Variants in KLHL2 observed in about 807,000 individuals in gnomAD.
KLHL2 encodes kelch-like protein 2.
Under a neutral mutation model 75.8 loss-of-function variants are expected in KLHL2, and 15 were observed. That is an observed-to-expected ratio of 0.20 (90% CI 0.13 to 0.30). KLHL2 has a LOEUF of 0.30. Ranked by LOEUF, KLHL2 falls within the 10% of genes least tolerant of loss-of-function variation. The pLI, the probability that KLHL2 is intolerant of heterozygous loss-of-function variation, is 1.00. For missense variants in KLHL2, 381 were observed against 741.0 expected, an observed-to-expected ratio of 0.51 and a Z score of 5.64; for synonymous variants, 214 against 251.9, an observed-to-expected ratio of 0.85 and a Z score of 1.42.
chr4:165,298,945 C>A (rs934357292), intron 7 of KLHL2, among the ~76,000 whole-genome samples: 17 of 135,186 alleles, frequency 1.3e-4, no homozygotes, highest in Admixed American at 1.3e-3. Context: ...CCCCGCCCCC[C>A]CTCCCCCCCC....
At chr4:165,209,087 G>T (rs1268545318) in intron 1 of KLHL2, among the ~76,000 whole-genome samples, 3 of 152,194 alleles carry the variant, frequency 2.0e-5, no homozygotes, top group Non-Finnish European at 4.4e-5. Context: ...AATCTAGGGG[G>T]TAGATAAGAC....
intron 3 of KLHL2, among the ~76,000 whole-genome samples, chr4:165,232,585 TTGAC>T (rs1461726518): frequency 6.6e-6 from 1 of 151,674 alleles, no homozygotes. Flanking sequence ...TTTAAAAAAA[TTGAC>T]TGAGCATGGT....
intron 3 of KLHL2, among the ~76,000 whole-genome samples, chr4:165,233,488 G>T (rs1739079915): frequency 6.6e-6 from 1 of 151,766 alleles, no homozygotes. Flanking sequence ...TTGTCATATT[G>T]AACATGATTC....
intron 13 of KLHL2, among the ~76,000 whole-genome samples, chr4:165,315,918 G>A (rs1746556928): frequency 6.6e-6 from 1 of 152,200 alleles, no homozygotes; most frequent in African/African-American, 2.4e-5. Flanking sequence ...ATGACACCAA[G>A]AGTGGAGTAA....
chr4:165,212,813 C>T (rs28463588), intron 1 of KLHL2, among the ~76,000 whole-genome samples: 49,086 of 152,060 alleles, frequency 0.32, 9,244 homozygotes, highest in African/African-American at 0.53. Context: ...TCTATCACTG[C>T]TTGTGGGCAG....
chr4:165,215,207 G>A (rs1737460056), intron 1 of KLHL2, among the ~76,000 whole-genome samples: 2 of 152,232 alleles, frequency 1.3e-5, no homozygotes, highest in African/African-American at 4.8e-5. Flanking sequence ...AGACCCAAAC[G>A]TGTTTCCAAC....
rs371758292 is a variant in KLHL2 at position 165,218,728 on chromosome 4, A to G, written c.27-1206A>G. ...TGGTACATGGTTGGTACTAAAAACA[A>G]TTGCTGAATGAATTAATGAACGATA... On this transcript the variant is annotated intron_variant, in intron 1 of 14. Transcript: ENST00000226725. 1.6e-3 allele frequency among the ~76,000 whole-genome samples: 241 copies of G among 152,332 alleles called. 3 individuals carry two copies. The highest frequency in any genetic ancestry group is 0.012 in the South Asian group (56 of 4,820).
At chr4:165,269,925 G>A (rs1416744064) in intron 5 of KLHL2, among the ~76,000 whole-genome samples, 3 of 152,046 alleles carry the variant, frequency 2.0e-5, no homozygotes, top group African/African-American at 7.2e-5. Flanking sequence ...TTCTAACTTG[G>A]TTCCATTCTC....
chr4:165,320,922 C>T (rs901158491), intron 14 of KLHL2, among the ~76,000 whole-genome samples: 5 of 152,110 alleles, frequency 3.3e-5, no homozygotes, highest in African/African-American at 4.8e-5. Flanking sequence ...CATGACTCGA[C>T]GGAGATGAGT....
At chr4:165,298,657 GGGTGGGTGCGGTCAGTGGCT>G (rs767749975) in intron 7 of KLHL2, among the ~76,000 whole-genome samples, 89 of 152,226 alleles carry the variant, frequency 5.8e-4, no homozygotes, top group Non-Finnish European at 5.1e-4. Context: ...TGATCCAAAA[GGGTGGGTGCGGTCAGTGGCT>G]CACGTCTATA....
At chr4:165,214,041 T>C (rs1288169240) in intron 1 of KLHL2, among the ~76,000 whole-genome samples, 1 of 152,198 alleles carries the variant, frequency 6.6e-6, no homozygotes, top group African/African-American at 2.4e-5. Flanking sequence ...CCAGAGAGGC[T>C]AAGTGACTAA....
intron 5 of KLHL2, among the ~76,000 whole-genome samples, chr4:165,289,688 A>G (rs926645782): frequency 6.6e-6 from 1 of 152,134 alleles, no homozygotes; most frequent in Non-Finnish European, 1.5e-5. Flanking sequence ...TTTTGGATAG[A>G]GTTTACTAAT....
chr4:165,220,873 G>A lies in KLHL2; in HGVS notation c.152+814G>A, dbSNP rs1364527069. On this transcript the variant is annotated intron_variant, in intron 2 of 14. Transcript: ENST00000226725. Reference sequence around the variant, plus strand: ...GTATTAAAAGTTGATTGAAAAATGAGTAGCTTTTTTTTTAATTAAAAGGGT... The same window carrying A: ...GTATTAAAAGTTGATTGAAAAATGAATAGCTTTTTTTTTAATTAAAAGGGT... Among the ~76,000 whole-genome samples, 3 of 152,246 alleles carry A rather than the reference G, an allele frequency of 2.0e-5. No homozygotes were observed. In the East Asian group the frequency reaches 5.8e-4, roughly 29 times the overall value.
At chr4:165,222,746 T>C (rs1285859172) in intron 2 of KLHL2, among the ~76,000 whole-genome samples, 1 of 152,242 alleles carries the variant, frequency 6.6e-6, no homozygotes, top group East Asian at 1.9e-4. Flanking sequence ...AATTATTTCC[T>C]GTCCTTGCGT....
At chr4:165,298,904 C>T (rs910715288) in intron 7 of KLHL2, among the ~76,000 whole-genome samples, 4 of 151,484 alleles carry the variant, frequency 2.6e-5, no homozygotes, top group Admixed American at 6.6e-5. Flanking sequence ...AACTCCAGCC[C>T]GGGCAACAGA....
At chr4:165,289,475 TCTTCA>T (rs1744336542) in intron 5 of KLHL2, among the ~76,000 whole-genome samples, 1 of 151,682 alleles carries the variant, frequency 6.6e-6, no homozygotes, top group Non-Finnish European at 1.5e-5. Flanking sequence ...GAACATTTCT[TCTTCA>T]CTTTTCCTTT....
chr4:165,297,269 C>A (rs973068351), intron 6 of KLHL2, among the ~76,000 whole-genome samples: 1 of 152,030 alleles, frequency 6.6e-6, no homozygotes, highest in Non-Finnish European at 1.5e-5. Context: ...CTGAGTCGAT[C>A]TATTGTACAA....
chr4:165,237,386 C>T (rs1198590899), intron 3 of KLHL2, among the ~76,000 whole-genome samples: 1 of 149,274 alleles, frequency 6.7e-6, no homozygotes, highest in Non-Finnish European at 1.5e-5. Context: ...CTCATTAACT[C>T]TCCTACTTCC....
intron 4 of KLHL2, 73 bp downstream of exon 4, chr4:165,238,972 C>T (rs1251018724): frequency 1.2e-5 from 18 of 1,531,232 alleles, no homozygotes; most frequent in Non-Finnish European, 1.6e-5. Flanking sequence ...CACACCCACA[C>T]AGTATACAAT....
Sources: gnomAD v4.1 joint callset for allele counts (sites outside exome capture counted in the v4.1 genomes callset) on GRCh38, gnomAD v4.1.1 for gene constraint, MANE v1.5 for transcripts, NCBI Gene and HGNC (gene_info 2026-07-23, HGNC 2026-07-21) for gene names.